Variants in ITGB4 observed in about 807,000 individuals in gnomAD.
The protein encoded by ITGB4 is integrin beta-4.
ITGB4 carries 159 observed loss-of-function variants against 207.6 expected under a neutral mutation model. The observed-to-expected ratio is 0.77, with a 90% confidence interval of 0.67 to 0.87. The LOEUF is 0.87. Among genes scored for constraint, ITGB4 ranks in the 40% least tolerant of loss-of-function variants. The probability of loss-of-function intolerance (pLI) is 0.00; values close to 1 mark genes in which losing one functional copy is unlikely to be tolerated. For synonymous variants in ITGB4, 1,020 were observed against 1,062.7 expected, an observed-to-expected ratio of 0.96 and a Z score of 0.78; for missense variants, 2,278 against 2,546.8, an observed-to-expected ratio of 0.89 and a Z score of 2.27.
intron 6 of ITGB4, 22 bp downstream of exon 6, chr17:75,728,495 G>C (rs1408945851): frequency 1.3e-6 from 2 of 1,586,330 alleles, no homozygotes; most frequent in Middle Eastern, 1.7e-4. Context: ...TGTGGGTCCC[G>C]CAGGTGGGCA....
In ITGB4 at chr17:75,728,413, T is replaced by C. The variant is rs1289124823; in HGVS notation, c.506T>C (p.Ile169Thr). 35 of 1,614,010 alleles carry C rather than the reference T, an allele frequency of 2.2e-5. No homozygotes were observed. The highest frequency in any genetic ancestry group is 2.9e-5 in the Non-Finnish European group (34 of 1,180,002). Residue 169 changes from isoleucine to threonine, a missense_variant, in exon 6 of 40, where the codon ATT (isoleucine) becomes ACT (threonine). Physicochemically the swap from Ile to Thr is moderately conservative, Grantham distance 89. Transcript: ENST00000200181. ...VLSQLTSDYTIGFGKFVDKVS... is the reference protein window; with the variant it reads ...VLSQLTSDYTTGFGKFVDKVS... ...AGCCAGCTCACCAGCGACTACACTA[T>C]TGGATTTGGCAAGTTTGTGGACAAA...
chr17:75,753,906 C>T lies in ITGB4; in HGVS notation c.4250C>T (p.Pro1417Leu). The part of the protein sequence containing the change: ...SSDAEAPHGP[P>L]DDGGAGGKGG... ...GACGCCGAGGCGCCCCACGGGCCCC[C>T]GGACGACGGCGGCGCGGGCGGGAAG... The change falls in exon 33 of 40, where the codon CCG becomes CTG. Residue 1417 changes from proline (P) to leucine (L), a missense_variant. Pro to Leu is a moderately conservative substitution (Grantham distance 98). Transcript: ENST00000200181. 3.9e-6 allele frequency: 5 copies of T among 1,289,036 alleles called. No individual in the cohort carries two copies. The highest frequency in any genetic ancestry group is 2.6e-5 in the South Asian group (1 of 38,220). The allele number at this position is 1,289,036 out of a possible 1,614,324, so 79.8% of individuals were successfully genotyped here.
Position 75,742,235 on chromosome 17 carries a change from C to G in ITGB4, c.2634-106C>G. On this transcript the variant is annotated intron_variant, in intron 23 of 39. Transcript: ENST00000200181. The surrounding 1 kb of genome is among the most constrained non-coding windows in gnomAD (Gnocchi z 5.9). ...GCCTCTGAAGACCCTGCACTTCTTG[C>G]TGTCTTACATCCTGGCCCCTGAAGG... 5 of 1,419,340 alleles carry G rather than the reference C, an allele frequency of 3.5e-6. No homozygotes were observed. The highest frequency in any genetic ancestry group is 4.9e-6 in the Non-Finnish European group (5 of 1,018,260). 87.9% of individuals were successfully genotyped at this position (1,419,340 alleles called of 1,614,324 possible). A position where few individuals can be genotyped will look rare whatever the true frequency, so the allele number is the denominator to read the frequency against.
intron 12 of ITGB4, among the ~76,000 whole-genome samples, chr17:75,733,122 C>T (rs2060898027): frequency 6.7e-6 from 1 of 149,766 alleles, no homozygotes; most frequent in Admixed American, 6.7e-5. Context: ...GGCGCGGTGG[C>T]TTACGCCTGT....
In ITGB4 at chr17:75,740,371, G is replaced by T. The variant is rs2061079469; in HGVS notation, c.2460G>T (p.Leu820=). ...INPTELVPYG[L]SLRLARLCTE... is the part of the protein sequence containing the mutation. ...GCCTTTCCTTAGTGCCCTACGGGCT[G>T]TCCTTGCGCCTGGCCCGCCTTTGCA... is the stretch of plus-strand genomic sequence containing the variant. Residue 820 remains leucine, a synonymous_variant, in exon 21 of 40, where the codon CTG becomes CTT. Coordinates refer to ENST00000200181, the MANE Select transcript of ITGB4 (RefSeq NM_000213.5). The surrounding 1 kb of genome is among the most constrained non-coding windows in gnomAD (Gnocchi z 5.9). The T allele has an allele frequency of 1.2e-6, 2 of 1,613,428 alleles. No individual in the cohort carries two copies.
At chr17:75,752,401 C>T (rs2061388639) in intron 31 of ITGB4, 45 bp downstream of exon 31, 1 of 1,612,674 alleles carries the variant, frequency 6.2e-7, no homozygotes, top group Non-Finnish European at 8.5e-7. Flanking sequence ...GGCAGGGGGG[C>T]AGGGGGCAGC....
rs140567957 is a variant in ITGB4, at chr17:75,752,220, C to T, written c.3840C>T (p.Asn1280=). ...MKKVLVDNPK[N]RMLLIENLRE... ...AAGTGCTGGTTGACAACCCTAAGAACCGGATGCTGCTTATTGAGAACCTTC... is the reference window on the plus strand; with the variant it reads ...AAGTGCTGGTTGACAACCCTAAGAATCGGATGCTGCTTATTGAGAACCTTC... The change falls in exon 31 of 40, where the codon AAC becomes AAT. Residue 1280 remains asparagine (N), a synonymous_variant. Transcript: ENST00000200181. 1 of 1,613,812 alleles carries T rather than the reference C, an allele frequency of 6.2e-7. No homozygotes were observed. Among genetic ancestry groups the T allele is most frequent in the African/African-American group, 1.3e-5 (1 of 74,938 alleles).
chr17:75,737,568 T>G lies in ITGB4; in HGVS notation c.2144T>G (p.Ile715Ser). 1 of 1,596,452 alleles carries G rather than the reference T, an allele frequency of 6.3e-7. No individual in the cohort carries two copies. Among genetic ancestry groups the G allele is most frequent in the Non-Finnish European group, 8.5e-7 (1 of 1,171,814 alleles). The change falls in exon 18 of 40, where the codon ATC becomes AGC. Residue 715 changes from isoleucine (I) to serine (S), a missense_variant. Physicochemically the swap from Ile to Ser is moderately radical, Grantham distance 142 (BLOSUM62 -2). Coordinates refer to ENST00000200181, the MANE Select transcript of ITGB4 (RefSeq NM_000213.5). ...CCTCCGGGCTCCTTCTGGTGGCTCATCCCCCTGCTCCTCCTCCTCCTGCCG... is the reference window on the plus strand; with the variant it reads ...CCTCCGGGCTCCTTCTGGTGGCTCAGCCCCCTGCTCCTCCTCCTCCTGCCG... ...DCPPGSFWWLIPLLLLLLPLL... is the reference protein window; with the variant it reads ...DCPPGSFWWLSPLLLLLLPLL...
At chr17:75,728,329 C>G in intron 5 of ITGB4, 48 bp from the exon 6 acceptor site, 1 of 1,544,274 alleles carries the variant, frequency 6.5e-7, no homozygotes, top group Non-Finnish European at 9.0e-7. Context: ...CGTGTTTATG[C>G]CAGGCATCAG....
In ITGB4 at chr17:75,727,376, C is replaced by T. The variant is rs1348763031; in HGVS notation, c.163-28C>T. 2.5e-6 allele frequency: 4 copies of T among 1,613,386 alleles called. No individual in the cohort carries two copies. Among genetic ancestry groups the T allele is most frequent in the Non-Finnish European group, 3.4e-6 (4 of 1,179,438 alleles). On this transcript the variant is annotated intron_variant, in intron 3 of 39. Coordinates refer to ENST00000200181, the MANE Select transcript of ITGB4 (RefSeq NM_000213.5). This position sits in a 1 kb window ranked among gnomAD's most constrained non-coding sequence, Gnocchi z 6.0. ...GGGCAGCCAGGGAATGGGTGCTGCCCCCAGTGACCCCCTGTCCTTCTGGCC... is the reference window on the plus strand; with the variant it reads ...GGGCAGCCAGGGAATGGGTGCTGCCTCCAGTGACCCCCTGTCCTTCTGGCC...
rs377398873 is a variant in ITGB4 at position 75,728,589 on chromosome 17, C to T, written c.566+116C>T. 1.8e-4 allele frequency: 153 copies of T among 829,450 alleles called. No individual in the cohort carries two copies. The African/African-American group carries it at 1.9e-3, about 10-fold the overall frequency. The allele number at this position is 829,450 out of a possible 1,614,324, so 51.4% of individuals were successfully genotyped here. ...TACGGCTGGGCACGGTGGCTCATGC[C>T]TGTAATCCCAGCACTTTGGGAGACC... On this transcript the variant is annotated intron_variant, in intron 6 of 39. Transcript: ENST00000200181.
chr17:75,728,237 T>C (rs2060766135), intron 5 of ITGB4, 140 bp from the exon 6 acceptor site: 1 of 718,850 alleles, frequency 1.4e-6, no homozygotes. Flanking sequence ...ACAGACAATG[T>C]TGTGAGCATG....
In ITGB4 at chr17:75,755,960, C is replaced by T. The variant is rs377275059; in HGVS notation, c.4708+110C>T. On this transcript the variant is annotated intron_variant, in intron 35 of 39. Transcript: ENST00000200181. Reference sequence around the variant, plus strand: ...CAGGAACCCACCCAAGTCCCTTGAGCGCTAAAGCCCCCATCCAGCCTGAGA... The same window carrying T: ...CAGGAACCCACCCAAGTCCCTTGAGTGCTAAAGCCCCCATCCAGCCTGAGA... 259 of 1,315,948 alleles carry T rather than the reference C, an allele frequency of 2.0e-4. 4 individuals carry two copies. Among genetic ancestry groups the T allele is most frequent in the Admixed American group, 1.0e-3 (53 of 50,666 alleles). The allele number at this position is 1,315,948 out of a possible 1,614,324, so 81.5% of individuals were successfully genotyped here.
In ITGB4 at chr17:75,748,978, C is replaced by A. The variant is rs776165361; in HGVS notation, c.3249C>A (p.Leu1083=). The part of the protein sequence containing the change: ...GRQVRRFHVQ[L]SNPKFGAHLG... ...AGGTCCGCCGTTTCCACGTCCAGCTCAGCAACCCTAAGTTTGGGGCCCACC... is the reference window on the plus strand; with the variant it reads ...AGGTCCGCCGTTTCCACGTCCAGCTAAGCAACCCTAAGTTTGGGGCCCACC... Residue 1083 remains leucine, a synonymous_variant, in exon 27 of 40, where the codon CTC becomes CTA. Transcript: ENST00000200181. 3.1e-6 allele frequency: 5 copies of A among 1,613,442 alleles called. No individual in the cohort carries two copies. In the Admixed American group the frequency reaches 5.0e-5, roughly 16 times the overall value.
rs755726992 is a variant in ITGB4 at position 75,730,524 on chromosome 17, C to G, written c.1002+20C>G. 1.7e-5 allele frequency: 28 copies of G among 1,613,016 alleles called. 1 individual carries two copies. In the Admixed American group the frequency reaches 4.5e-4, roughly 26 times the overall value. ...TACGAGGTGCGGGGCCCAGGTCCCA[C>G]GGGTGGGAGGTGGTCAAGGTAGGGG... On this transcript the variant is annotated intron_variant, in intron 8 of 39. Coordinates refer to ENST00000200181, the MANE Select transcript of ITGB4 (RefSeq NM_000213.5).
Position 75,727,641 on chromosome 17 carries a change from C to T in ITGB4, c.265-10C>T, listed in dbSNP as rs1568343314. On this transcript the variant is annotated splice_polypyrimidine_tract_variant and intron_variant, in intron 4 of 39. Coordinates refer to ENST00000200181, the MANE Select transcript of ITGB4 (RefSeq NM_000213.5). This position sits in a 1 kb window ranked among gnomAD's most constrained non-coding sequence, Gnocchi z 6.0. The stretch of plus-strand genomic sequence containing the variant: ...CCCTCTAGCCAGCTGTCCCCTTCCA[C>T]TGGCTGCAGGAGACCCAGATTGACA... The T allele has an allele frequency of 4.2e-5, 67 of 1,599,228 alleles. No individual in the cohort carries two copies. The highest frequency in any genetic ancestry group is 5.7e-5 in the Non-Finnish European group (67 of 1,173,338).
rs371860241 is a variant in ITGB4 at position 75,757,593 on chromosome 17, G to C, written c.*38G>C. On this transcript the variant is annotated 3_prime_UTR_variant, in exon 40 of 40. Transcript: ENST00000200181. The stretch of plus-strand genomic sequence containing the variant: ...CCACCCCCGCCACGTCCCACTAGGC[G>C]TCCTCCCGACTCCTCTCCCGGAGCC... 258 of 1,612,200 alleles carry C rather than the reference G, an allele frequency of 1.6e-4. No individual in the cohort carries two copies. The Middle Eastern group carries it at 2.0e-3, about 12-fold the overall frequency.
chr17:75,731,910 T>G lies in ITGB4; in HGVS notation c.1314T>G (p.Pro438=). The G allele has an allele frequency of 6.2e-7, 1 of 1,614,074 alleles. No individual in the cohort carries two copies. Among genetic ancestry groups the G allele is most frequent in the Non-Finnish European group, 8.5e-7 (1 of 1,180,018 alleles). ...AGAAGGGCAACATCCATCTGAAACC[T>G]TCCTTCTCCGACGGCCTCAAGATGG... The part of the protein sequence containing the change: ...EDQKGNIHLK[P]SFSDGLKMDA... Residue 438 remains proline, a synonymous_variant, in exon 11 of 40, where the codon CCT becomes CCG. Transcript: ENST00000200181. This position sits in a 1 kb window ranked among gnomAD's most constrained non-coding sequence, Gnocchi z 6.8.
Position 75,727,075 on chromosome 17 carries a change from A to G in ITGB4, c.80-120A>G. ...GCAACAGAGCGAGACTCTGTCTCAA[A>G]ATAAATAAATAAATAACATAAGGAG... is the stretch of plus-strand genomic sequence containing the variant. On this transcript the variant is annotated intron_variant, in intron 2 of 39. Coordinates refer to ENST00000200181, the MANE Select transcript of ITGB4 (RefSeq NM_000213.5). This position sits in a 1 kb window ranked among gnomAD's most constrained non-coding sequence, Gnocchi z 6.0. 1 of 798,044 alleles carries G rather than the reference A, an allele frequency of 1.3e-6. No homozygotes were observed. 49.4% of individuals were successfully genotyped at this position (798,044 alleles called of 1,614,324 possible).
Sources: allele counts gnomAD v4.1 joint callset (sites outside exome capture counted in the v4.1 genomes callset), GRCh38; gene constraint gnomAD v4.1.1; non-coding constraint Gnocchi (gnomAD v3.1); transcripts MANE v1.5; gene names NCBI Gene and HGNC (gene_info 2026-07-23, HGNC 2026-07-21).